The following PTPRG variants were observed in gnomAD, a reference collection of about 807,000 sequenced individuals.
PTPRG encodes receptor-type tyrosine-protein phosphatase gamma.
PTPRG carries 102 observed loss-of-function variants against 165.3 expected under a neutral mutation model. That is an observed-to-expected ratio of 0.62 (90% CI 0.53 to 0.73). PTPRG has a LOEUF of 0.73. PTPRG is among the 30% of genes least tolerant of loss of function. The pLI, the probability that PTPRG is intolerant of heterozygous loss-of-function variation, is 0.00. For missense variants in PTPRG, 1,866 were observed against 1,861.4 expected (o/e 1.00, Z -0.05); for synonymous variants, 675 against 669.5 (o/e 1.01, Z -0.13).
chr3:62,273,203 T>C lies in PTPRG; in HGVS notation c.3318+122T>C, dbSNP rs1702131234. 1.1e-5 allele frequency: 12 copies of C among 1,094,402 alleles called. No homozygotes were observed. Among genetic ancestry groups the C allele is most frequent in the African/African-American group, 3.2e-5 (2 of 62,228 alleles). The allele number at this position is 1,094,402 out of a possible 1,614,324, so 67.8% of individuals were successfully genotyped here. ...GCTTGCAGTAATTTACAGGTTTGTA[T>C]TAGAAGATATTCTGACAATGATCCT... On this transcript the variant is annotated intron_variant, in intron 22 of 29. Coordinates refer to ENST00000474889, the MANE Select transcript of PTPRG (RefSeq NM_002841.4). The surrounding 1 kb of genome is among the most constrained non-coding windows in gnomAD (Gnocchi z 4.1).
chr3:62,088,724 G>A (rs1362955633), intron 5 of PTPRG, among the ~76,000 whole-genome samples: 1 of 152,170 alleles, frequency 6.6e-6, no homozygotes, highest in Non-Finnish European at 1.5e-5. Context: ...TGAAATCAGC[G>A]AGAGCTAGTT....
intron 4 of PTPRG, among the ~76,000 whole-genome samples, chr3:62,022,500 T>G (rs185259814): frequency 6.6e-6 from 1 of 152,288 alleles, no homozygotes; most frequent in East Asian, 1.9e-4. Context: ...CCAACAGGCA[T>G]TTTTCAATTT....
At chr3:61,773,779 CT>C (rs113250439) in intron 2 of PTPRG, among the ~76,000 whole-genome samples, 160 of 144,676 alleles carry the variant, frequency 1.1e-3, no homozygotes, top group Admixed American at 1.7e-3. Flanking sequence ...CCCCCATTGA[CT>C]TTTTTTTTTT....
At chr3:61,593,427 A>T (rs1029661325) in intron 1 of PTPRG, among the ~76,000 whole-genome samples, 5 of 151,376 alleles carry the variant, frequency 3.3e-5, no homozygotes, top group Non-Finnish European at 7.4e-5. Flanking sequence ...CCAACCACAA[A>T]AGATGGTCCA....
At chr3:62,032,101 T>C (rs540124100) in intron 4 of PTPRG, among the ~76,000 whole-genome samples, 1 of 152,328 alleles carries the variant, frequency 6.6e-6, no homozygotes, top group Admixed American at 6.5e-5. Context: ...CTGGTTCCCC[T>C]GAGCTGTGAG....
intron 4 of PTPRG, among the ~76,000 whole-genome samples, chr3:62,028,873 G>C (rs543227496): frequency 3.3e-5 from 5 of 152,228 alleles, no homozygotes; most frequent in African/African-American, 9.6e-5. Context: ...CATATAGTCT[G>C]GTTCCTAATG....
chr3:61,752,011 A>C (rs2033453417), intron 2 of PTPRG, among the ~76,000 whole-genome samples: 1 of 151,818 alleles, frequency 6.6e-6, no homozygotes, highest in Non-Finnish European at 1.5e-5. Flanking sequence ...AAAAAAGAAA[A>C]CGTTAACATA....
intron 6 of PTPRG, among the ~76,000 whole-genome samples, chr3:62,132,910 A>G (rs1508392): frequency 0.011 from 1,744 of 152,324 alleles, 35 homozygotes; most frequent in African/African-American, 0.04. Flanking sequence ...TGCATATGTT[A>G]TAAATCAGAA....
chr3:62,093,818 A>G (rs531705723), intron 5 of PTPRG, among the ~76,000 whole-genome samples: 2 of 152,272 alleles, frequency 1.3e-5, no homozygotes, highest in South Asian at 2.1e-4. Context: ...ATTAAGATGG[A>G]CCTATCCTTA....
In PTPRG at chr3:61,813,476, A is replaced by G. The variant is rs2035653354; in HGVS notation, c.190+64494A>G. 2.0e-5 allele frequency among the ~76,000 whole-genome samples: 3 copies of G among 148,902 alleles called. No homozygotes were observed. In the Admixed American group the frequency reaches 2.0e-4, roughly 10 times the overall value. On this transcript the variant is annotated intron_variant, in intron 2 of 29. Transcript: ENST00000474889. The stretch of plus-strand genomic sequence containing the variant: ...GGTTGCGTTGAGCTGAGATCGTGCC[A>G]CTGCACTCCAGCCTGGGTGACAGAA...
At position 62,078,207 on chromosome 3, in the gene PTPRG, A is replaced by T. The variant is rs773265177; in HGVS notation, c.564A>T (p.Gln188His). The T allele has an allele frequency of 6.2e-7, 1 of 1,610,856 alleles. No individual in the cohort carries two copies. Among genetic ancestry groups the T allele is most frequent in the South Asian group, 1.1e-5 (1 of 90,096 alleles). ...ATCCAGATGACTTTGACAGCTTTCA[A>T]ACCGCAATTTCTGAGAACAGAATAA... ...FYNPDDFDSF[Q>H]TAISENRIIG... Residue 188 changes from glutamine (Q) to histidine (H), a missense_variant, in exon 5 of 30, where the codon CAA becomes CAT. By Grantham distance (24) the Gln-to-His change is conservative. Around this residue, in one of 3 missense-constraint regions of PTPRG, gnomAD observed 408 missense variants for 376.2 expected, o/e 1.08. Coordinates refer to ENST00000474889, the MANE Select transcript of PTPRG (RefSeq NM_002841.4).
chr3:61,957,124 A>G (rs756027951), intron 2 of PTPRG, among the ~76,000 whole-genome samples: 3 of 152,222 alleles, frequency 2.0e-5, no homozygotes, highest in Admixed American at 6.5e-5. Context: ...AAAGCCATGT[A>G]TGTTTAACTG....
At chr3:61,772,285 ATG>A (rs2034234027) in intron 2 of PTPRG, among the ~76,000 whole-genome samples, 1 of 152,018 alleles carries the variant, frequency 6.6e-6, no homozygotes, top group Admixed American at 6.5e-5. Context: ...TTAGTGTTGA[ATG>A]AGGAATTTAG....
intron 8 of PTPRG, among the ~76,000 whole-genome samples, chr3:62,170,231 AT>A (rs1553644552): frequency 4.0e-5 from 6 of 150,242 alleles, no homozygotes; most frequent in Admixed American, 6.7e-5. Context: ...ACATGAACTA[AT>A]TTTTTTTTTA....
At chr3:62,099,074 G>A (rs146201844) in intron 5 of PTPRG, among the ~76,000 whole-genome samples, 17 of 152,252 alleles carry the variant, frequency 1.1e-4, no homozygotes, top group Non-Finnish European at 1.8e-4. Flanking sequence ...ACATATAGTT[G>A]CATTTCTTAT....
At chr3:61,582,581 T>A (rs1056062810) in intron 1 of PTPRG, among the ~76,000 whole-genome samples, 2 of 152,178 alleles carry the variant, frequency 1.3e-5, no homozygotes, top group Non-Finnish European at 2.9e-5. Flanking sequence ...ATGTTAACTT[T>A]AACCATGTAT....
At chr3:61,913,510 C>T (rs2038855467) in intron 2 of PTPRG, among the ~76,000 whole-genome samples, 2 of 152,298 alleles carry the variant, frequency 1.3e-5, no homozygotes, top group African/African-American at 4.8e-5. Context: ...TGAGCCACCG[C>T]ACCCGGCCGA....
At chr3:61,878,629 G>A (rs1462769668) in intron 2 of PTPRG, among the ~76,000 whole-genome samples, 1 of 152,014 alleles carries the variant, frequency 6.6e-6, no homozygotes, top group Non-Finnish European at 1.5e-5. Context: ...AAGTAACTGG[G>A]ACTACAGGCG....
In PTPRG at chr3:62,296,359, G is replaced by A. The variant is rs1461665340; in HGVS notation, c.*3052G>A. 8 of 151,806 alleles carry A rather than the reference G, an allele frequency of 5.3e-5. No homozygotes were observed. 9.4% of individuals were successfully genotyped at this position (151,806 alleles called of 1,614,324 possible). ...AGCCCAGAGTGACATACTGAAATCA[G>A]TAAATAATTATTTTATAATGACACA... On this transcript the variant is annotated 3_prime_UTR_variant, in exon 30 of 30. Coordinates refer to ENST00000474889, the MANE Select transcript of PTPRG (RefSeq NM_002841.4).
Sources: gnomAD v4.1 joint callset for allele counts (sites outside exome capture counted in the v4.1 genomes callset) on GRCh38, gnomAD v4.1.1 for gene constraint, gnomAD v4.1.1 regional missense constraint, Gnocchi (gnomAD v3.1) non-coding constraint, MANE v1.5 for transcripts, NCBI Gene and HGNC (gene_info 2026-07-23, HGNC 2026-07-21) for gene names.